PRDM11: variants seen among roughly 807,000 people sequenced by gnomAD.
The protein encoded by PRDM11 is PR/SET domain 11, also known as PR domain-containing protein 11.
A neutral mutation model predicts 97.8 loss-of-function variants in PRDM11; 20 were observed. That is an observed-to-expected ratio of 0.20 (90% confidence interval 0.14 to 0.30). The LOEUF (loss-of-function observed/expected upper bound fraction) is 0.30, where lower values mean the gene tolerates loss of function less well. Among genes scored for constraint, PRDM11 ranks in the 10% least tolerant of loss-of-function variants. The pLI is 1.00. For synonymous variants in PRDM11, 599 were observed against 637.7 expected (o/e 0.94, Z 0.91); for missense variants, 1,139 against 1,555.2 (o/e 0.73, Z 4.50).
chr11:45,095,805 A>T (rs777750819), upstream of PRDM11: 1 of 760,864 alleles, frequency 1.3e-6, no homozygotes, highest in South Asian at 1.4e-5. Context: ...GGTAGGGTTC[A>T]ATGTTGAAGA....
intron 5 of PRDM11, among the ~76,000 whole-genome samples, chr11:45,208,705 C>G (rs1236579639): frequency 6.6e-6 from 1 of 152,144 alleles, no homozygotes; most frequent in Non-Finnish European, 1.5e-5. Flanking sequence ...TCCACCCTCC[C>G]CTCCGAGGAG....
Position 45,182,353 on chromosome 11 carries a change from A to T in PRDM11, c.223+4A>T. On this transcript the variant is annotated splice_donor_region_variant and intron_variant, in intron 3 of 7. Coordinates refer to ENST00000683152, the MANE Select transcript of PRDM11 (RefSeq NM_001384648.1). ...TTCCAGCAAGTGGACTTCTGGTGTAAGTGGAGCTTGGGGCTCTGGGCTGCT... is the reference window on the plus strand; with the variant it reads ...TTCCAGCAAGTGGACTTCTGGTGTATGTGGAGCTTGGGGCTCTGGGCTGCT... The T allele has an allele frequency of 6.2e-7, 1 of 1,612,926 alleles. No individual in the cohort carries two copies. Among genetic ancestry groups the T allele is most frequent in the Non-Finnish European group, 8.5e-7 (1 of 1,179,212 alleles).
At chr11:45,157,032 T>C (rs1393185014) in intron 1 of PRDM11, among the ~76,000 whole-genome samples, 1 of 150,972 alleles carries the variant, frequency 6.6e-6, no homozygotes, top group Non-Finnish European at 1.5e-5. Flanking sequence ...GTGAAGGAAT[T>C]GAGACTTTGC....
At chr11:45,161,178 A>G (rs1374110237) in intron 1 of PRDM11, among the ~76,000 whole-genome samples, 1 of 152,198 alleles carries the variant, frequency 6.6e-6, no homozygotes, top group African/African-American at 2.4e-5. Flanking sequence ...GTGAGCTAAC[A>G]CATGTGAAGT....
At chr11:45,149,348 TC>T (rs1314835961) in intron 1 of PRDM11, among the ~76,000 whole-genome samples, 2 of 152,244 alleles carry the variant, frequency 1.3e-5, no homozygotes, top group African/African-American at 4.8e-5. Flanking sequence ...CTTGACCTCA[TC>T]TTCTATCCTC....
chr11:45,095,980 C>T (rs528286992), intron 1 of PRDM11: 2 of 731,812 alleles, frequency 2.7e-6, no homozygotes, highest in Admixed American at 3.9e-5. Context: ...AATACTCTTC[C>T]TCCAGATCTT....
chr11:45,148,267 CT>C (rs1190171309), intron 1 of PRDM11, among the ~76,000 whole-genome samples: 1 of 152,188 alleles, frequency 6.6e-6, no homozygotes, highest in Non-Finnish European at 1.5e-5. Context: ...CACTGTCTGA[CT>C]TTGGACTTCA....
intron 1 of PRDM11, among the ~76,000 whole-genome samples, chr11:45,117,763 T>G (rs1208406356): frequency 2.0e-5 from 3 of 151,964 alleles, no homozygotes; most frequent in African/African-American, 7.3e-5. Context: ...AAAAAGTTAA[T>G]TTAAAAAGAG....
chr11:45,146,498 C>A (rs548312756), upstream of PRDM11, among the ~76,000 whole-genome samples: 19 of 152,128 alleles, frequency 1.2e-4, no homozygotes, highest in Admixed American at 1.0e-3. Flanking sequence ...CGGGTTCCCC[C>A]CTCCGGGCAG....
In PRDM11 at chr11:45,227,116, G is replaced by C. The variant is rs1307569590; in HGVS notation, c.2491G>C (p.Glu831Gln). The C allele has an allele frequency of 6.5e-7, 1 of 1,533,950 alleles. No homozygotes were observed. The highest frequency in any genetic ancestry group is 2.0e-5 in the Admixed American group (1 of 50,988). The change falls in exon 8 of 8, where the codon GAG (glutamate) becomes CAG (glutamine). Residue 831 changes from glutamate (E) to glutamine (Q), a missense_variant. Transcript: ENST00000683152. This position sits in a 1 kb window ranked among gnomAD's most constrained non-coding sequence, Gnocchi z 8.0. The stretch of plus-strand genomic sequence containing the variant: ...CCGGGCAGTGCGGTGGATCATCGGC[G>C]AGCAGAACGTCCTCAACGCTCTCAT... Reference protein sequence around the residue: ...DIRAVRWIIGEQNVLNALIKD... With the variant: ...DIRAVRWIIGQQNVLNALIKD...
intron 1 of PRDM11, among the ~76,000 whole-genome samples, chr11:45,129,793 T>C (rs1484290249): frequency 6.6e-6 from 1 of 151,968 alleles, no homozygotes; most frequent in East Asian, 1.9e-4. Context: ...AAAATATACA[T>C]ATAAAAATGC....
chr11:45,180,599 C>A (rs1288553543), intron 1 of PRDM11, among the ~76,000 whole-genome samples: 1 of 151,326 alleles, frequency 6.6e-6, no homozygotes, highest in Admixed American at 6.6e-5. Context: ...CCCTCCCGGC[C>A]GCCAGCCAAC....
chr11:45,224,541 T>C lies in PRDM11; in HGVS notation c.1067T>C (p.Ile356Thr), dbSNP rs1413261767. Reference protein sequence around the residue: ...ATTMTHGVQNIGQTQGEGDWK... With the variant: ...ATTMTHGVQNTGQTQGEGDWK... Reference sequence around the variant, plus strand: ...ACAATGACCCATGGTGTGCAGAATATAGGCCAGACCCAGGGGGAGGGGGAC... The same window carrying C: ...ACAATGACCCATGGTGTGCAGAATACAGGCCAGACCCAGGGGGAGGGGGAC... The change falls in exon 7 of 8, where the codon ATA becomes ACA. Residue 356 changes from isoleucine (I) to threonine (T), a missense_variant. By Grantham distance (89) the Ile-to-Thr change is moderately conservative. This residue lies in a region of PRDM11 where 429 missense variants were observed against 510.3 expected (regional missense o/e 0.84). Transcript: ENST00000683152. The C allele has an allele frequency of 3.1e-6, 5 of 1,613,896 alleles. No homozygotes were observed. The highest frequency in any genetic ancestry group is 1.3e-5 in the African/African-American group (1 of 74,884).
chr11:45,157,340 A>G (rs1474034910), intron 1 of PRDM11, among the ~76,000 whole-genome samples: 1 of 152,160 alleles, frequency 6.6e-6, no homozygotes, highest in Admixed American at 6.5e-5. Flanking sequence ...GCACACTCCT[A>G]GAGCCCTCGC....
At chr11:45,183,188 G>A (rs1330967288) in intron 4 of PRDM11, 65 bp downstream of exon 4, 2 of 1,541,156 alleles carry the variant, frequency 1.3e-6, no homozygotes, top group East Asian at 2.3e-5. Flanking sequence ...ACCACCAGGG[G>A]GAGCCATACT....
intron 1 of PRDM11, among the ~76,000 whole-genome samples, chr11:45,099,872 CCTGT>C (rs1851943310): frequency 6.6e-6 from 1 of 152,186 alleles, no homozygotes; most frequent in African/African-American, 2.4e-5. Context: ...AGCTCTTCAG[CCTGT>C]CTCAGGACCC....
intron 4 of PRDM11, among the ~76,000 whole-genome samples, chr11:45,187,101 C>T (rs1031773174): frequency 1.3e-5 from 2 of 152,052 alleles, no homozygotes; most frequent in African/African-American, 4.8e-5. Flanking sequence ...GCCTGTGGTT[C>T]AGTTATGAGG....
intron 5 of PRDM11, among the ~76,000 whole-genome samples, chr11:45,208,599 T>C (rs1853600933): frequency 6.6e-6 from 1 of 152,208 alleles, no homozygotes; most frequent in African/African-American, 2.4e-5. Context: ...TGAACTGCCC[T>C]AGCTCTCACC....
chr11:45,147,127 G>A (rs550100901), intron 1 of PRDM11, among the ~76,000 whole-genome samples: 8 of 151,342 alleles, frequency 5.3e-5, no homozygotes, highest in African/African-American at 1.9e-4. Flanking sequence ...GCGGGAGCCG[G>A]GGGCCGCCCT....
Sources: gnomAD v4.1 joint callset for allele counts (sites outside exome capture counted in the v4.1 genomes callset) on GRCh38, gnomAD v4.1.1 for gene constraint, gnomAD v4.1.1 regional missense constraint, Gnocchi (gnomAD v3.1) non-coding constraint, MANE v1.5 for transcripts, NCBI Gene and HGNC (gene_info 2026-07-23, HGNC 2026-07-21) for gene names.